MED12L: variants seen among roughly 807,000 people sequenced by gnomAD.
MED12L encodes mediator complex subunit 12L.
Under a neutral mutation model 281.3 loss-of-function variants are expected in MED12L, and 60 were observed. That is an observed-to-expected ratio of 0.21 (90% confidence interval 0.17 to 0.26). MED12L has a LOEUF of 0.26. Among genes scored for constraint, MED12L ranks in the 10% least tolerant of loss-of-function variants. The pLI is 1.00. For synonymous variants in MED12L, 974 were observed against 987.2 expected (o/e 0.99, Z 0.25); for missense variants, 2,146 against 2,680.9 (o/e 0.80, Z 4.41).
intron 42 of MED12L, among the ~76,000 whole-genome samples, chr3:151,414,052 A>G (rs1276130621): frequency 1.3e-5 from 2 of 152,020 alleles, no homozygotes; most frequent in African/African-American, 4.8e-5. Flanking sequence ...GGTTTTTGCC[A>G]TGTTGGCCAG....
intron 5 of MED12L, among the ~76,000 whole-genome samples, chr3:151,151,856 A>G (rs1332421733): frequency 1.3e-5 from 2 of 152,152 alleles, no homozygotes; most frequent in African/African-American, 4.8e-5. Flanking sequence ...TGATGCCACA[A>G]ACCTTCAGTT....
At chr3:151,412,774 C>T (rs544133219) in intron 41 of MED12L, among the ~76,000 whole-genome samples, 82 of 152,236 alleles carry the variant, frequency 5.4e-4, no homozygotes, top group Middle Eastern at 3.4e-3. Context: ...GTAGGGATAA[C>T]GAAACTGCTG....
intron 16 of MED12L, among the ~76,000 whole-genome samples, chr3:151,196,040 G>A (rs1260755777): frequency 7.9e-5 from 12 of 152,240 alleles, no homozygotes; most frequent in Non-Finnish European, 4.4e-5. Flanking sequence ...GTGTCTGGGT[G>A]TCAGAGCTGG....
At chr3:151,415,976 A>G (rs1417226142) in intron 42 of MED12L, among the ~76,000 whole-genome samples, 3 of 152,256 alleles carry the variant, frequency 2.0e-5, no homozygotes, top group Non-Finnish European at 4.4e-5. Flanking sequence ...AAGAAGGGAT[A>G]AAACATGCGG....
chr3:151,312,286 G>A (rs1747653745), intron 16 of MED12L, among the ~76,000 whole-genome samples: 2 of 152,118 alleles, frequency 1.3e-5, no homozygotes, highest in Non-Finnish European at 2.9e-5. Context: ...TTGTTTTCTT[G>A]GATCTCTCTT....
At chr3:151,353,344 A>G (rs560093940) in intron 17 of MED12L, among the ~76,000 whole-genome samples, 1 of 152,374 alleles carries the variant, frequency 6.6e-6, no homozygotes, top group South Asian at 2.1e-4. Flanking sequence ...TGCTCATGAC[A>G]TGTGAGCAGC....
intron 16 of MED12L, among the ~76,000 whole-genome samples, chr3:151,239,184 A>C (rs564907947): frequency 6.6e-6 from 1 of 152,366 alleles, no homozygotes; most frequent in South Asian, 2.1e-4. Context: ...TTTTATCTAC[A>C]TGACCAATGT....
intron 16 of MED12L, chr3:151,294,389 T>G (rs1205161130): frequency 1.2e-6 from 2 of 1,614,058 alleles, no homozygotes; most frequent in East Asian, 4.5e-5. Flanking sequence ...TTGTGCAGAT[T>G]CATCTAAAAG....
At chr3:151,127,773 T>C in intron 4 of MED12L, 52 bp from the exon 5 acceptor site, 6 of 1,326,102 alleles carry the variant, frequency 4.5e-6, no homozygotes, top group South Asian at 1.3e-5. Context: ...GTTTATCTAG[T>C]GATGAACACA....
In MED12L at chr3:151,131,700, G is replaced by A. The variant is rs555692982; in HGVS notation, c.556+3716G>A. ...GTAATTTCTGGGAAATCCCAGATATGAGTGTTTCACCAGGACCACATGATT... is the reference window on the plus strand; with the variant it reads ...GTAATTTCTGGGAAATCCCAGATATAAGTGTTTCACCAGGACCACATGATT... On this transcript the variant is annotated intron_variant, in intron 5 of 44. Coordinates refer to ENST00000687756, the MANE Select transcript of MED12L (RefSeq NM_001393769.1). Among the ~76,000 whole-genome samples the A allele has an allele frequency of 2.6e-5, 4 of 151,014 alleles. No individual in the cohort carries two copies. The South Asian group carries it at 8.5e-4, about 32-fold the overall frequency.
intron 16 of MED12L, among the ~76,000 whole-genome samples, chr3:151,298,279 G>T (rs762653649): frequency 7.9e-5 from 12 of 152,152 alleles, no homozygotes; most frequent in Admixed American, 3.3e-4. Flanking sequence ...CACCCAGGCA[G>T]TTTTATCATG....
chr3:151,330,481 A>G (rs1750228578), intron 16 of MED12L, among the ~76,000 whole-genome samples: 1 of 152,194 alleles, frequency 6.6e-6, no homozygotes, highest in African/African-American at 2.4e-5. Flanking sequence ...GCATAGAGAA[A>G]GTTGTTGTCC....
At chr3:151,384,846 G>A (rs1284789143) in intron 35 of MED12L, 184 bp from the exon 36 acceptor site, 2 of 542,306 alleles carry the variant, frequency 3.7e-6, no homozygotes, top group Non-Finnish European at 6.5e-6. Context: ...TACTTAAATA[G>A]AAGAAATGAA....
chr3:151,216,707 G>T (rs774268030), intron 16 of MED12L, among the ~76,000 whole-genome samples: 2 of 152,000 alleles, frequency 1.3e-5, no homozygotes, highest in Non-Finnish European at 2.9e-5. Context: ...GGGCATGATG[G>T]GTTTGTACTC....
chr3:151,179,158 G>A (rs1008568119), intron 11 of MED12L, among the ~76,000 whole-genome samples: 1 of 152,134 alleles, frequency 6.6e-6, no homozygotes, highest in Admixed American at 6.5e-5. Flanking sequence ...TGGCCAACAT[G>A]GTGAAACCCC....
At chr3:151,270,196 C>T (rs1012645043) in intron 16 of MED12L, 5 of 129,708 alleles carry the variant, frequency 3.9e-5, no homozygotes, top group Admixed American at 2.6e-4. Context: ...AGCAAGCTGT[C>T]GTGTGTGTGT....
intron 16 of MED12L, among the ~76,000 whole-genome samples, chr3:151,349,809 G>A (rs529117692): frequency 6.6e-6 from 1 of 150,776 alleles, no homozygotes; most frequent in South Asian, 2.1e-4. Flanking sequence ...TGTAGGGTAC[G>A]CCCACATCAA....
intron 16 of MED12L, among the ~76,000 whole-genome samples, chr3:151,288,908 A>G (rs1257416290): frequency 3.3e-5 from 5 of 152,226 alleles, no homozygotes; most frequent in African/African-American, 9.6e-5. Context: ...CACTTCTTTC[A>G]AAGTCTGTTG....
intron 2 of MED12L, among the ~76,000 whole-genome samples, chr3:151,112,808 A>G (rs1028523399): frequency 6.6e-6 from 1 of 152,198 alleles, no homozygotes; most frequent in African/African-American, 2.4e-5. Context: ...AGAAACACAA[A>G]TGAAATTACA....
Sources: allele counts gnomAD v4.1 joint callset (sites outside exome capture counted in the v4.1 genomes callset), GRCh38; gene constraint gnomAD v4.1.1; transcripts MANE v1.5; gene names NCBI Gene and HGNC (gene_info 2026-07-23, HGNC 2026-07-21).